MSI2: variants seen among roughly 807,000 people sequenced by gnomAD.
MSI2 encodes the protein musashi RNA binding protein 2.
MSI2 carries 17 observed loss-of-function variants against 45.6 expected under a neutral mutation model. The observed-to-expected ratio is 0.37, with a 90% CI of 0.26 to 0.56. The LOEUF is 0.56. Among genes scored for constraint, MSI2 ranks in the 20% least tolerant of loss-of-function variants. The pLI, the probability that MSI2 is intolerant of heterozygous loss-of-function variation, is 0.77. For missense variants in MSI2, 293 were observed against 444.2 expected, an observed-to-expected ratio of 0.66 and a Z score of 3.06; for synonymous variants, 156 against 158.2, an observed-to-expected ratio of 0.99 and a Z score of 0.11.
intron 5 of MSI2, among the ~76,000 whole-genome samples, chr17:57,363,294 G>A (rs1284838206): frequency 1.3e-5 from 2 of 152,186 alleles, no homozygotes; most frequent in South Asian, 2.1e-4. Flanking sequence ...GAGGTTCCTA[G>A]AGCAGTCAAA....
intron 4 of MSI2, among the ~76,000 whole-genome samples, chr17:57,260,552 T>C (rs2143171740): frequency 6.6e-6 from 1 of 152,318 alleles, no homozygotes; most frequent in South Asian, 2.1e-4. Flanking sequence ...CTGTCTTACG[T>C]ACGTCAACAG....
At chr17:57,431,117 C>A (rs1224659475) in intron 6 of MSI2, among the ~76,000 whole-genome samples, 1 of 152,214 alleles carries the variant, frequency 6.6e-6, no homozygotes, top group East Asian at 1.9e-4. Flanking sequence ...ATCTCCTGCC[C>A]ATTCATTGTG....
chr17:57,424,508 C>T (rs1281768078), intron 6 of MSI2, among the ~76,000 whole-genome samples: 7 of 152,150 alleles, frequency 4.6e-5, no homozygotes, highest in Non-Finnish European at 8.8e-5. Flanking sequence ...TTCTGGAGAT[C>T]CTTTGAAAGT....
rs116716693 is a variant in MSI2, at chr17:57,303,426, C to T, written c.312+41234C>T. 3.1e-3 allele frequency among the ~76,000 whole-genome samples: 478 copies of T among 152,234 alleles called. 3 individuals carry two copies. The highest frequency in any genetic ancestry group is 0.011 in the African/African-American group (446 of 41,524). On this transcript the variant is annotated intron_variant, in intron 5 of 13. Transcript: ENST00000284073. ...CCAAGTGAGAAAGCATGTTTAGAAA[C>T]GCAGTGTGAAGGGGGAAAAATATCA...
intron 9 of MSI2, among the ~76,000 whole-genome samples, chr17:57,624,204 T>A (rs527608976): frequency 6.6e-6 from 1 of 152,354 alleles, no homozygotes; most frequent in African/African-American, 2.4e-5. Flanking sequence ...CATAGGCTTA[T>A]GCTTTTGCTG....
intron 5 of MSI2, among the ~76,000 whole-genome samples, chr17:57,285,223 G>C (rs1039005967): frequency 2.6e-5 from 4 of 152,176 alleles, no homozygotes; most frequent in Non-Finnish European, 4.4e-5. Flanking sequence ...CAGAGTAGCC[G>C]GAGTTTCAGG....
intron 5 of MSI2, among the ~76,000 whole-genome samples, chr17:57,318,142 C>G (rs1037347468): frequency 2.6e-5 from 4 of 152,012 alleles, no homozygotes; most frequent in Non-Finnish European, 5.9e-5. Flanking sequence ...GAGGGAGACT[C>G]TGTCTCAAAA....
At chr17:57,585,641 C>G (rs750543547) in intron 7 of MSI2, among the ~76,000 whole-genome samples, 7 of 152,208 alleles carry the variant, frequency 4.6e-5, no homozygotes, top group Non-Finnish European at 1.0e-4. Flanking sequence ...GGAGGATGAA[C>G]GTGAGAGAAG....
At chr17:57,390,425 A>T (rs6503812) in intron 5 of MSI2, among the ~76,000 whole-genome samples, 117,280 of 152,112 alleles carry the variant, frequency 0.77, 45,793 homozygotes, top group East Asian at 0.95. Context: ...GGTGGGGCCC[A>T]GGTATCAGTA....
At position 57,456,599 on chromosome 17, in the gene MSI2, C is replaced by CA. The variant is rs796938053; in HGVS notation, c.405+55140dup. 2.3e-3 allele frequency among the ~76,000 whole-genome samples: 318 copies of CA among 140,134 alleles called. 3 individuals carry two copies. The highest frequency in any genetic ancestry group is 0.012 in the East Asian group (57 of 4,906). 91.9% of individuals were successfully genotyped at this position (140,134 alleles called of 152,430 possible). ...GACAGAGCGATCGAGACTCCATCTC[C>CA]AAAAAAAAAAAAGGAACACCACAAC... On this transcript the variant is annotated intron_variant, in intron 6 of 13. Coordinates refer to ENST00000284073, the MANE Select transcript of MSI2 (RefSeq NM_138962.4).
At chr17:57,586,525 C>T (rs1337599481) in intron 7 of MSI2, among the ~76,000 whole-genome samples, 3 of 151,886 alleles carry the variant, frequency 2.0e-5, no homozygotes, top group Non-Finnish European at 1.5e-5. Flanking sequence ...TCTCCTAGTG[C>T]CTGATGCCTG....
intron 5 of MSI2, among the ~76,000 whole-genome samples, chr17:57,289,315 ACT>A (rs1431269051): frequency 6.6e-6 from 1 of 151,696 alleles, no homozygotes; most frequent in Non-Finnish European, 1.5e-5. Context: ...TAGCAGAATG[ACT>A]CTGCACTCCT....
At chr17:57,359,903 C>A (rs1022810394) in intron 5 of MSI2, among the ~76,000 whole-genome samples, 1 of 152,252 alleles carries the variant, frequency 6.6e-6, no homozygotes, top group African/African-American at 2.4e-5. Flanking sequence ...CCACTCAGCA[C>A]CTTTATTTGT....
chr17:57,597,025 C>A, intron 8 of MSI2, 75 bp downstream of exon 8: 2 of 1,113,074 alleles, frequency 1.8e-6, no homozygotes, highest in Non-Finnish European at 2.7e-6. Flanking sequence ...CAGACTGGTC[C>A]AGCCCATCAT....
chr17:57,670,111 C>T (rs761160844), intron 11 of MSI2, among the ~76,000 whole-genome samples: 9 of 152,218 alleles, frequency 5.9e-5, no homozygotes, highest in East Asian at 1.9e-4. Flanking sequence ...TTCTCTGAAT[C>T]GGTAATAATT....
intron 10 of MSI2, chr17:57,632,117 C>T: frequency 8.1e-7 from 1 of 1,238,776 alleles, no homozygotes; most frequent in Non-Finnish European, 1.0e-6. Context: ...AGGGAAACTT[C>T]TCACAAACTT....
At position 57,672,482 on chromosome 17, in the gene MSI2, G is replaced by A. The variant is rs188898030; in HGVS notation, c.791-2490G>A. ...TGTGGGCATGCTACATCCTGTCTCC[G>A]AGGCTGCTTCTGCTGGCTAGATTAG... On this transcript the variant is annotated intron_variant, in intron 11 of 13. Coordinates refer to ENST00000284073, the MANE Select transcript of MSI2 (RefSeq NM_138962.4). Among the ~76,000 whole-genome samples the A allele has an allele frequency of 5.2e-4, 79 of 152,244 alleles. 2 individuals carry two copies. Among genetic ancestry groups the A allele is most frequent in the Admixed American group, 4.8e-3 (74 of 15,302 alleles).
chr17:57,346,512 G>A (rs1374999264), intron 5 of MSI2, among the ~76,000 whole-genome samples: 1 of 152,208 alleles, frequency 6.6e-6, no homozygotes, highest in African/African-American at 2.4e-5. Flanking sequence ...GTGAATAAGT[G>A]TAGTCCAAGC....
intron 5 of MSI2, among the ~76,000 whole-genome samples, chr17:57,325,502 C>T (rs896870278): frequency 7.5e-4 from 114 of 152,312 alleles, no homozygotes; most frequent in African/African-American, 2.6e-3. Context: ...AAAAAAGGGA[C>T]GTGTTTGAGT....
Sources: gnomAD v4.1 joint callset for allele counts (sites outside exome capture counted in the v4.1 genomes callset) on GRCh38, gnomAD v4.1.1 for gene constraint, MANE v1.5 for transcripts, NCBI Gene and HGNC (gene_info 2026-07-23, HGNC 2026-07-21) for gene names.